The following CFAP299 variants were observed in gnomAD, a reference collection of about 807,000 sequenced individuals.
The protein encoded by CFAP299 is cilia- and flagella-associated protein 299.
Under a neutral mutation model 27.0 loss-of-function variants are expected in CFAP299, and 21 were observed. That is an observed-to-expected ratio of 0.78 (90% CI 0.55 to 1.12). CFAP299 has a LOEUF of 1.12. CFAP299 is among the 50% of genes most tolerant of loss of function. The probability of loss-of-function intolerance (pLI) is 0.00; values close to 1 mark genes in which losing one functional copy is unlikely to be tolerated. For missense variants in CFAP299, 310 were observed against 276.6 expected, an observed-to-expected ratio of 1.12 and a Z score of -0.86; for synonymous variants, 104 against 98.1, an observed-to-expected ratio of 1.06 and a Z score of -0.36.
chr4:80,800,427 T>C lies in CFAP299; in HGVS notation c.334-69566T>C, dbSNP rs1360286201. ...TATATTGATATATTAATATAATATA[T>C]ATAATATATAATATATTGATATATT... On this transcript the variant is annotated intron_variant, in intron 3 of 5. Coordinates refer to ENST00000358105, the MANE Select transcript of CFAP299 (RefSeq NM_152770.3). 4.2e-3 allele frequency among the ~76,000 whole-genome samples: 260 copies of C among 62,092 alleles called. 11 individuals carry two copies. Among genetic ancestry groups the C allele is most frequent in the Middle Eastern group, 0.021 (1 of 48 alleles). The allele number at this position is 62,092 out of a possible 152,430, so 40.7% of individuals were successfully genotyped here. A position where few individuals can be genotyped will look rare whatever the true frequency, so the allele number is the denominator to read the frequency against.
intron 1 of CFAP299, among the ~76,000 whole-genome samples, chr4:80,337,126 T>C (rs1364696522): frequency 6.6e-6 from 1 of 152,210 alleles, no homozygotes; most frequent in Non-Finnish European, 1.5e-5. Context: ...ATGCCTTGCA[T>C]CCAAGACACT....
intron 3 of CFAP299, among the ~76,000 whole-genome samples, chr4:80,652,339 G>C (rs1414357772): frequency 2.6e-5 from 4 of 151,718 alleles, no homozygotes; most frequent in Non-Finnish European, 5.9e-5. Context: ...TTATATATTT[G>C]GCAAAATTAT....
chr4:80,955,043 T>G (rs1221046219), intron 5 of CFAP299, among the ~76,000 whole-genome samples: 10 of 116,544 alleles, frequency 8.6e-5, no homozygotes, highest in South Asian at 3.0e-4. Context: ...AACGCACACA[T>G]GGCCATATAC....
intron 2 of CFAP299, among the ~76,000 whole-genome samples, chr4:80,459,872 C>G (rs2110105234): frequency 6.6e-6 from 1 of 152,202 alleles, no homozygotes; most frequent in East Asian, 1.9e-4. Flanking sequence ...GGAAAAACTT[C>G]CCTTTTGCCC....
intron 3 of CFAP299, among the ~76,000 whole-genome samples, chr4:80,807,841 A>G (rs1223656655): frequency 6.6e-6 from 1 of 152,132 alleles, no homozygotes; most frequent in Non-Finnish European, 1.5e-5. Context: ...TAAAGTAAAA[A>G]CATCATAACC....
At chr4:80,371,343 C>T (rs1724141682) in intron 2 of CFAP299, among the ~76,000 whole-genome samples, 1 of 152,144 alleles carries the variant, frequency 6.6e-6, no homozygotes, top group Admixed American at 6.5e-5. Flanking sequence ...CTTTTGAGGC[C>T]TTTTCCCCAT....
intron 2 of CFAP299, among the ~76,000 whole-genome samples, chr4:80,495,538 A>G (rs1427033023): frequency 6.6e-6 from 1 of 152,192 alleles, no homozygotes; most frequent in Non-Finnish European, 1.5e-5. Context: ...GTAGTGGCTC[A>G]CACCTATGAT....
intron 3 of CFAP299, among the ~76,000 whole-genome samples, chr4:80,607,339 T>C (rs1052362597): frequency 6.6e-6 from 1 of 152,190 alleles, no homozygotes; most frequent in African/African-American, 2.4e-5. Flanking sequence ...GTCTTGTTGG[T>C]TCATGTATTC....
At chr4:80,738,064 A>G (rs1167916815) in intron 3 of CFAP299, among the ~76,000 whole-genome samples, 1 of 152,008 alleles carries the variant, frequency 6.6e-6, no homozygotes, top group African/African-American at 2.4e-5. Context: ...ATTCATTTCT[A>G]GTTTTATTCC....
At chr4:80,773,480 T>C (rs1453149146) in intron 3 of CFAP299, among the ~76,000 whole-genome samples, 1 of 152,168 alleles carries the variant, frequency 6.6e-6, no homozygotes, top group Non-Finnish European at 1.5e-5. Context: ...CAGCTTTTTT[T>C]ACTTAGTGAC....
chr4:80,763,536 A>C lies in CFAP299; in HGVS notation c.334-106457A>C, dbSNP rs578031194. On this transcript the variant is annotated intron_variant, in intron 3 of 5. Transcript: ENST00000358105. ...TAAAAATGAGCATACTACTCATAGTAATTTATAGATTCAATGCTATTCTCA... is the reference window on the plus strand; with the variant it reads ...TAAAAATGAGCATACTACTCATAGTCATTTATAGATTCAATGCTATTCTCA... 9.2e-5 allele frequency among the ~76,000 whole-genome samples: 14 copies of C among 152,312 alleles called. No individual in the cohort carries two copies. In the East Asian group the frequency reaches 2.7e-3, roughly 29 times the overall value.
At chr4:80,930,543 G>A (rs1315517822) in intron 4 of CFAP299, among the ~76,000 whole-genome samples, 1 of 152,150 alleles carries the variant, frequency 6.6e-6, no homozygotes, top group Non-Finnish European at 1.5e-5. Context: ...CAGGTAGATA[G>A]TGTCAGAATT....
At chr4:80,328,975 T>C in the CFAP299 span, among the ~76,000 whole-genome samples, 1 of 152,150 alleles carries the variant, frequency 6.6e-6, no homozygotes, top group Admixed American at 6.5e-5. Flanking sequence ...TACACCAAGC[T>C]TGTCAAACCC....
chr4:80,878,738 A>C (rs1048601926), intron 4 of CFAP299, among the ~76,000 whole-genome samples: 3 of 152,122 alleles, frequency 2.0e-5, no homozygotes, highest in Non-Finnish European at 4.4e-5. Flanking sequence ...AGTACTTGTG[A>C]AAACAGAATT....
chr4:80,488,764 C>A (rs567219482), intron 2 of CFAP299, among the ~76,000 whole-genome samples: 7 of 152,314 alleles, frequency 4.6e-5, no homozygotes, highest in South Asian at 2.1e-4. Context: ...GCGTGAGCCA[C>A]CGCACCCGGC....
At chr4:80,800,111 A>ATG (rs1728333030) in intron 3 of CFAP299, among the ~76,000 whole-genome samples, 1 of 70,176 alleles carries the variant, frequency 1.4e-5, no homozygotes, top group Non-Finnish European at 2.4e-5. Flanking sequence ...AATATATTAT[A>ATG]TATAAGATAT....
At chr4:80,480,001 A>G (rs1032356200) in intron 2 of CFAP299, among the ~76,000 whole-genome samples, 2 of 151,990 alleles carry the variant, frequency 1.3e-5, no homozygotes, top group Non-Finnish European at 1.5e-5. Flanking sequence ...TTTTTTTTAA[A>G]TAGTTATATG....
chr4:80,619,916 T>C (rs1213015770), intron 3 of CFAP299, among the ~76,000 whole-genome samples: 4 of 152,102 alleles, frequency 2.6e-5, no homozygotes, highest in Admixed American at 1.3e-4. Context: ...AATGATGAAA[T>C]AATCTTCAAA....
At chr4:80,719,600 A>C (rs1722700021) in intron 3 of CFAP299, among the ~76,000 whole-genome samples, 2 of 152,216 alleles carry the variant, frequency 1.3e-5, no homozygotes, top group South Asian at 2.1e-4. Flanking sequence ...AAAAGAAAGA[A>C]AGTGCTATAT....
Sources: allele counts gnomAD v4.1 joint callset (sites outside exome capture counted in the v4.1 genomes callset), GRCh38; gene constraint gnomAD v4.1.1; transcripts MANE v1.5; gene names NCBI Gene and HGNC (gene_info 2026-07-23, HGNC 2026-07-21).